NPFFR2: variants seen among roughly 807,000 people sequenced by gnomAD.
The protein encoded by NPFFR2 is G-protein coupled receptor 74.
NPFFR2 carries 15 observed loss-of-function variants against 13.1 expected under a neutral mutation model. That is an observed-to-expected ratio of 1.15 (90% CI 0.77 to 1.76). The LOEUF (loss-of-function observed/expected upper bound fraction) is 1.76, where lower values mean the gene tolerates loss of function less well. Among genes scored for constraint, NPFFR2 ranks in the 40% most tolerant of loss-of-function variants. The pLI is 0.00. For synonymous variants in NPFFR2, 190 were observed against 175.7 expected, an observed-to-expected ratio of 1.08 and a Z score of -0.65; for missense variants, 572 against 503.5, an observed-to-expected ratio of 1.14 and a Z score of -1.30.
intron 1 of NPFFR2, among the ~76,000 whole-genome samples, chr4:72,085,418 C>T (rs1720739763): frequency 6.6e-6 from 1 of 152,154 alleles, no homozygotes. Context: ...TTTCAAGCTT[C>T]AGCCACAAGC....
At chr4:72,085,351 C>A (rs1169645934) in intron 1 of NPFFR2, among the ~76,000 whole-genome samples, 6 of 152,148 alleles carry the variant, frequency 3.9e-5, no homozygotes, top group African/African-American at 1.4e-4. Flanking sequence ...GGAAGAAAGT[C>A]TTTTGAGACA....
chr4:72,059,601 T>C (rs1719863909), intron 1 of NPFFR2, among the ~76,000 whole-genome samples: 1 of 152,130 alleles, frequency 6.6e-6, no homozygotes, highest in Non-Finnish European at 1.5e-5. Flanking sequence ...TAATTGCTTT[T>C]GGTTTACTAT....
At chr4:72,088,213 T>TAGTC (rs144354782) in intron 1 of NPFFR2, among the ~76,000 whole-genome samples, 4,344 of 152,130 alleles carry the variant, frequency 0.029, 165 homozygotes, top group African/African-American at 0.088. Flanking sequence ...GTATGATTAT[T>TAGTC]AGTTAGGTAA....
intron 1 of NPFFR2, among the ~76,000 whole-genome samples, chr4:72,035,683 C>T (rs1486363034): frequency 6.6e-6 from 1 of 152,154 alleles, no homozygotes; most frequent in Non-Finnish European, 1.5e-5. Context: ...AATCACACCA[C>T]ACCAGTAATT....
chr4:72,032,215 C>T lies in NPFFR2; in HGVS notation c.-8+15C>T, dbSNP rs1718944241. ...CGCCGGGAGAGGTAACAGCATGGGC[C>T]AGTTTGTCTGGGGGCCCCCGCTTGG... On this transcript the variant is annotated intron_variant, in intron 1 of 3. Transcript: ENST00000308744. 4 of 1,588,030 alleles carry T rather than the reference C, an allele frequency of 2.5e-6. No homozygotes were observed. The highest frequency in any genetic ancestry group is 2.7e-5 in the African/African-American group (2 of 74,500).
At chr4:72,105,557 A>G (rs1332278948) in intron 1 of NPFFR2, among the ~76,000 whole-genome samples, 4 of 152,060 alleles carry the variant, frequency 2.6e-5, no homozygotes, top group African/African-American at 9.7e-5. Context: ...ATAAAACATC[A>G]AAATATCACC....
At chr4:72,032,348 C>T in intron 1 of NPFFR2, 148 bp downstream of exon 1, 1 of 890,578 alleles carries the variant, frequency 1.1e-6, no homozygotes, top group Non-Finnish European at 1.7e-6. Context: ...CACAGGCACC[C>T]GCTTGGTCAC....
chr4:72,040,755 A>G lies in NPFFR2; in HGVS notation c.-8+8555A>G, dbSNP rs1719186210. On this transcript the variant is annotated intron_variant, in intron 1 of 3. Coordinates refer to ENST00000308744, the MANE Select transcript of NPFFR2 (RefSeq NM_004885.3). ...TAAATTGATATGTTAATTTGGGGAG[A>G]TGACCTATAAAGTATTAAAATTTAT... is the stretch of plus-strand genomic sequence containing the variant. Among the ~76,000 whole-genome samples the G allele has an allele frequency of 2.0e-5, 3 of 152,000 alleles. No individual in the cohort carries two copies. In the South Asian group the frequency reaches 6.2e-4, roughly 31 times the overall value.
intron 1 of NPFFR2, among the ~76,000 whole-genome samples, chr4:72,106,231 A>G (rs1721415518): frequency 6.6e-6 from 1 of 152,042 alleles, no homozygotes; most frequent in African/African-American, 2.4e-5. Flanking sequence ...GACATCTAAC[A>G]TGGAAGGATC....
intron 1 of NPFFR2, among the ~76,000 whole-genome samples, chr4:72,040,837 G>C (rs1184072802): frequency 6.6e-6 from 1 of 151,050 alleles, no homozygotes; most frequent in Non-Finnish European, 1.5e-5. Context: ...TCTTTCAGTA[G>C]GGTTTTATTT....
chr4:72,095,822 G>A (rs1406484533), intron 1 of NPFFR2, among the ~76,000 whole-genome samples: 1 of 152,112 alleles, frequency 6.6e-6, no homozygotes, highest in African/African-American at 2.4e-5. Flanking sequence ...AACTCAGAAA[G>A]TTCACGGGGC....
At chr4:72,108,848 T>C (rs553431145) in intron 1 of NPFFR2, among the ~76,000 whole-genome samples, 1 of 152,172 alleles carries the variant, frequency 6.6e-6, no homozygotes, top group East Asian at 1.9e-4. Context: ...ATGCAATGTT[T>C]ATAAGGTCAA....
chr4:72,087,824 A>G (rs1233632021), intron 1 of NPFFR2, among the ~76,000 whole-genome samples: 3 of 152,058 alleles, frequency 2.0e-5, no homozygotes, highest in African/African-American at 4.8e-5. Flanking sequence ...TCCCTTGAAG[A>G]AAACATTTTT....
intron 1 of NPFFR2, among the ~76,000 whole-genome samples, chr4:72,050,030 C>G (rs1719497030): frequency 6.6e-6 from 1 of 151,958 alleles, no homozygotes; most frequent in African/African-American, 2.4e-5. Context: ...TTTAGCACTC[C>G]CATCCAAACC....
intron 2 of NPFFR2, among the ~76,000 whole-genome samples, chr4:72,131,914 G>C (rs938614932): frequency 6.6e-6 from 1 of 150,884 alleles, no homozygotes; most frequent in Non-Finnish European, 1.5e-5. Flanking sequence ...TCTGTAAATT[G>C]AGCATTGAAA....
intron 1 of NPFFR2, among the ~76,000 whole-genome samples, chr4:72,099,013 A>G (rs1239454804): frequency 2.6e-5 from 4 of 152,216 alleles, no homozygotes; most frequent in Non-Finnish European, 5.9e-5. Context: ...CCTCTAGCTC[A>G]GTTGCCAAGT....
At chr4:72,039,458 C>T (rs1389340826) in intron 1 of NPFFR2, 8 of 837,048 alleles carry the variant, frequency 9.6e-6, no homozygotes, top group African/African-American at 3.7e-5. Flanking sequence ...TTTTTCTCTA[C>T]TCTTATACCC....
intron 1 of NPFFR2, among the ~76,000 whole-genome samples, chr4:72,085,414 G>A (rs187240034): frequency 1.6e-3 from 249 of 152,240 alleles, no homozygotes; most frequent in African/African-American, 5.6e-3. Flanking sequence ...TGCATTTCAA[G>A]CTTCAGCCAC....
intron 1 of NPFFR2, among the ~76,000 whole-genome samples, chr4:72,111,757 G>C (rs1199786954): frequency 6.6e-6 from 1 of 151,982 alleles, no homozygotes; most frequent in African/African-American, 2.4e-5. Context: ...TTCTCTATTA[G>C]CACATAATAT....
Sources: gnomAD v4.1 joint callset for allele counts (sites outside exome capture counted in the v4.1 genomes callset) on GRCh38, gnomAD v4.1.1 for gene constraint, MANE v1.5 for transcripts, NCBI Gene and HGNC (gene_info 2026-07-23, HGNC 2026-07-21) for gene names.